UBN2: variants seen among roughly 807,000 people sequenced by gnomAD.
UBN2 encodes ubinuclein 2.
A neutral mutation model predicts 120.2 loss-of-function variants in UBN2; 35 were observed. The ratio of observed to expected loss-of-function variants is 0.29; its 90% CI spans 0.22 to 0.39. The LOEUF is 0.39. Among genes scored for constraint, UBN2 ranks in the 10% least tolerant of loss-of-function variants. UBN2 has a pLI of 1.00. For synonymous variants in UBN2, 661 were observed against 648.7 expected, an observed-to-expected ratio of 1.02 and a Z score of -0.29; for missense variants, 1,693 against 1,663.2, an observed-to-expected ratio of 1.02 and a Z score of -0.31.
rs1248223131 is a variant in UBN2, at chr7:139,293,885, T to A, written c.3902-4T>A. On this transcript the variant is annotated splice_region_variant and splice_polypyrimidine_tract_variant and intron_variant, in intron 16 of 17. Transcript: ENST00000473989. ...GATGACTGACAAGTCTGTTTTCCTC[T>A]CAGATTTACTAAAGGGTTTACAGCC... is the stretch of plus-strand genomic sequence containing the variant. The A allele has an allele frequency of 1.2e-6, 2 of 1,613,804 alleles. No homozygotes were observed. The highest frequency in any genetic ancestry group is 1.7e-6 in the Non-Finnish European group (2 of 1,179,736).
In UBN2 at chr7:139,231,841, G is replaced by T; in HGVS notation, c.357G>T (p.Pro119=). Residue 119 remains proline, a synonymous_variant, in exon 1 of 18, where the codon CCG becomes CCT. Transcript: ENST00000473989. The stretch of plus-strand genomic sequence containing the variant: ...AGTCGGCTTCCCGGGCTGAGCAGCC[G>T]CCGCGGCCGCCGAGGGAGACGGTGC... ...PRESASRAEQ[P]PRPPRETVRL... is the part of the protein sequence containing the mutation. 1.3e-6 allele frequency: 2 copies of T among 1,535,960 alleles called. No homozygotes were observed. The highest frequency in any genetic ancestry group is 1.7e-6 in the Non-Finnish European group (2 of 1,148,528).
rs1798149516 is a variant in UBN2 at position 139,297,720 on chromosome 7, CTTTGTTTTTGT to C, written c.3995-65_3995-55del. 2.4e-5 allele frequency: 35 copies of C among 1,470,866 alleles called. No individual in the cohort carries two copies. The South Asian group carries it at 4.1e-4, about 17-fold the overall frequency. 91.1% of individuals were successfully genotyped at this position (1,470,866 alleles called of 1,614,324 possible). A position where few individuals can be genotyped will look rare whatever the true frequency, so the allele number is the denominator to read the frequency against. On this transcript the variant is annotated intron_variant, in intron 17 of 17. Transcript: ENST00000473989. Reference sequence around the variant, plus strand: ...AGATAAAAGTTAATTGTTGTTTTTGCTTTGTTTTTGTTAGCTGGTTTTTGTAACATATGGAC... The same window carrying C: ...AGATAAAAGTTAATTGTTGTTTTTGCTAGCTGGTTTTTGTAACATATGGAC...
At chr7:139,264,935 C>T (rs1797051542) in intron 6 of UBN2, among the ~76,000 whole-genome samples, 1 of 152,032 alleles carries the variant, frequency 6.6e-6, no homozygotes, top group South Asian at 2.1e-4. Context: ...TTTTGGGGTA[C>T]ATGTCATAAT....
chr7:139,246,013 A>G (rs1467287929), intron 2 of UBN2, among the ~76,000 whole-genome samples: 2 of 152,230 alleles, frequency 1.3e-5, no homozygotes, highest in Admixed American at 6.5e-5. Context: ...CATTTTGAGC[A>G]GGGGAAATAA....
At position 139,293,408 on chromosome 7, in the gene UBN2, A is replaced by G; in HGVS notation, c.3846A>G (p.Gly1282=). 6.2e-7 allele frequency: 1 copy of G among 1,614,106 alleles called. No homozygotes were observed. The highest frequency in any genetic ancestry group is 8.5e-7 in the Non-Finnish European group (1 of 1,179,998). Residue 1282 remains glycine (G), a synonymous_variant, in exon 16 of 18, where the codon GGA becomes GGG. Transcript: ENST00000473989. ...EIFGFGTDTA[G]VTTTSGSTSA... The stretch of plus-strand genomic sequence containing the variant: ...TTGGCTTTGGAACGGACACAGCTGG[A>G]GTGACAACCACCTCGGGATCTACCT...
At chr7:139,329,489 G>A in the UBN2 span, among the ~76,000 whole-genome samples, 1 of 152,044 alleles carries the variant, frequency 6.6e-6, no homozygotes, top group Non-Finnish European at 1.5e-5. Context: ...AGTCTCCCTG[G>A]GTAATTCTAA....
rs950113855 is a variant in UBN2, at chr7:139,301,365, C to G, written c.*3529C>G. 1 of 152,174 alleles carries G rather than the reference C, an allele frequency of 6.6e-6. No individual in the cohort carries two copies. Among genetic ancestry groups the G allele is most frequent in the African/African-American group, 2.4e-5 (1 of 41,434 alleles). The allele number at this position is 152,174 out of a possible 1,614,324, so 9.4% of individuals were successfully genotyped here. ...TCCTCTGGTTGCCCTCTCCCACACC[C>G]CTTTCCACCTATACTTGGTTCAAGA... is the stretch of plus-strand genomic sequence containing the variant. On this transcript the variant is annotated 3_prime_UTR_variant, in exon 18 of 18. Coordinates refer to ENST00000473989, the MANE Select transcript of UBN2 (RefSeq NM_173569.4).
rs1796836184 is a variant in UBN2 at position 139,258,634 on chromosome 7, A to G, written c.801+9A>G. 3.8e-6 allele frequency: 6 copies of G among 1,586,876 alleles called. No homozygotes were observed. Among genetic ancestry groups the G allele is most frequent in the Non-Finnish European group, 5.1e-6 (6 of 1,166,006 alleles). ...AGCACAAGCCACCCAAGGTGAGTTT[A>G]TCAAACATTGCAACAGTACTGAGAA... On this transcript the variant is annotated intron_variant, in intron 4 of 17. Transcript: ENST00000473989.
chr7:139,248,837 C>T (rs748149893), intron 2 of UBN2, among the ~76,000 whole-genome samples: 4 of 152,094 alleles, frequency 2.6e-5, no homozygotes, highest in Non-Finnish European at 5.9e-5. Context: ...CAACCTCTCT[C>T]TTTCCTTTTC....
chr7:139,290,209 C>T (rs1797913029), intron 15 of UBN2, among the ~76,000 whole-genome samples: 1 of 152,196 alleles, frequency 6.6e-6, no homozygotes, highest in African/African-American at 2.4e-5. Flanking sequence ...GCTGGGATTA[C>T]AGGCATGAGC....
chr7:139,311,863 T>A (rs547099111), downstream of UBN2, among the ~76,000 whole-genome samples: 6 of 152,178 alleles, frequency 3.9e-5, no homozygotes, highest in Admixed American at 3.9e-4. Context: ...CTTACAGATA[T>A]TTGGTTTAGA....
chr7:139,261,428 C>G lies in UBN2; in HGVS notation c.1082C>G (p.Ala361Gly). The G allele has an allele frequency of 1.2e-6, 2 of 1,614,234 alleles. No homozygotes were observed. The highest frequency in any genetic ancestry group is 1.7e-6 in the Non-Finnish European group (2 of 1,180,042). The part of the protein sequence containing the change: ...STPSLNKPPC[A>G]AAALGNDVPD... ...CCTTCTCTGAATAAACCCCCATGTGCTGCTGCAGCACTGGGGAATGACGTC... is the reference window on the plus strand; with the variant it reads ...CCTTCTCTGAATAAACCCCCATGTGGTGCTGCAGCACTGGGGAATGACGTC... The change falls in exon 6 of 18, where the codon GCT (alanine) becomes GGT (glycine). Residue 361 changes from alanine to glycine, a missense_variant. Ala to Gly is a moderately conservative substitution (Grantham distance 60). Transcript: ENST00000473989.
chr7:139,242,407 G>A (rs1457499930), intron 2 of UBN2, among the ~76,000 whole-genome samples: 1 of 152,182 alleles, frequency 6.6e-6, no homozygotes, highest in African/African-American at 2.4e-5. Flanking sequence ...TCATCTCGAT[G>A]TAGAGCTTTG....
downstream of UBN2, among the ~76,000 whole-genome samples, chr7:139,309,797 G>A (rs1322354135): frequency 6.6e-6 from 1 of 152,190 alleles, no homozygotes; most frequent in African/African-American, 2.4e-5. Flanking sequence ...CTTGAGCCCA[G>A]GAGGCGGAGG....
chr7:139,261,852 T>G (rs1796945801), intron 6 of UBN2, 111 bp downstream of exon 6: 1 of 1,179,028 alleles, frequency 8.5e-7, no homozygotes, highest in African/African-American at 1.5e-5. Flanking sequence ...GCTTTTGTTT[T>G]TTAAAGATAA....
intron 10 of UBN2, among the ~76,000 whole-genome samples, chr7:139,273,637 G>A (rs1328263191): frequency 1.3e-5 from 2 of 152,146 alleles, no homozygotes; most frequent in African/African-American, 4.8e-5. Context: ...TAATAATGGT[G>A]TAAGTCATAC....
At chr7:139,268,735 G>A (rs1486156622) in intron 7 of UBN2, among the ~76,000 whole-genome samples, 1 of 152,178 alleles carries the variant, frequency 6.6e-6, no homozygotes, top group Non-Finnish European at 1.5e-5. Flanking sequence ...GGGCCGAGGG[G>A]TAGTATAATA....
At chr7:139,276,212 A>G (rs1048185542) in intron 12 of UBN2, 65 bp downstream of exon 12, 42 of 1,456,056 alleles carry the variant, frequency 2.9e-5, no homozygotes, top group Non-Finnish European at 3.6e-5. Flanking sequence ...GAACAAAAGT[A>G]TCATTTATTA....
In UBN2 at chr7:139,258,475, T is replaced by G; in HGVS notation, c.664-13T>G. The G allele has an allele frequency of 2.0e-6, 3 of 1,538,370 alleles. No homozygotes were observed. Among genetic ancestry groups the G allele is most frequent in the Admixed American group, 3.8e-5 (2 of 53,048 alleles). ...ACAGGATATAGCGGAAACTTTTTTG[T>G]TTTTTAATCTAGTATGATGAATTAG... On this transcript the variant is annotated splice_polypyrimidine_tract_variant and intron_variant, in intron 3 of 17. Transcript: ENST00000473989.
Sources: allele counts gnomAD v4.1 joint callset (sites outside exome capture counted in the v4.1 genomes callset), GRCh38; gene constraint gnomAD v4.1.1; transcripts MANE v1.5; gene names NCBI Gene and HGNC (gene_info 2026-07-23, HGNC 2026-07-21).